The following NDST4 variants were observed in gnomAD, a reference collection of about 807,000 sequenced individuals.
NDST4 encodes N-deacetylase and N-sulfotransferase 4, also known as N-heparan sulfate sulfotransferase 4.
A neutral mutation model predicts 100.8 loss-of-function variants in NDST4; 63 were observed. The observed-to-expected ratio is 0.62, with a 90% confidence interval of 0.51 to 0.77. The LOEUF (loss-of-function observed/expected upper bound fraction) is 0.77, where lower values mean the gene tolerates loss of function less well. NDST4 is among the 30% of genes least tolerant of loss of function. NDST4 has a pLI of 0.00. For synonymous variants in NDST4, 377 were observed against 361.8 expected (o/e 1.04, Z -0.48); for missense variants, 943 against 1,018.4 (o/e 0.93, Z 1.01).
chr4:114,834,180 T>A (rs898751476), intron 11 of NDST4, among the ~76,000 whole-genome samples: 28 of 152,050 alleles, frequency 1.8e-4, no homozygotes, highest in African/African-American at 6.0e-4. Flanking sequence ...GCCTTACTGA[T>A]CATTGGATCA....
At chr4:115,109,993 T>C (rs1729912545) in intron 1 of NDST4, among the ~76,000 whole-genome samples, 2 of 151,954 alleles carry the variant, frequency 1.3e-5, no homozygotes, top group African/African-American at 4.8e-5. Context: ...TGCCTTGAAA[T>C]GCCTGAGGCT....
chr4:114,984,093 C>T (rs1158276345), intron 2 of NDST4, among the ~76,000 whole-genome samples: 1 of 152,106 alleles, frequency 6.6e-6, no homozygotes, highest in Non-Finnish European at 1.5e-5. Context: ...TTTCTTTCTA[C>T]ATTATTGAGT....
At chr4:115,051,174 C>A (rs518195) in intron 2 of NDST4, among the ~76,000 whole-genome samples, 28,088 of 151,872 alleles carry the variant, frequency 0.18, 3,163 homozygotes, top group East Asian at 0.45. Flanking sequence ...CTATGACCTG[C>A]CTTTATGATT....
intron 6 of NDST4, among the ~76,000 whole-genome samples, chr4:114,903,755 AG>A (rs1404765945): frequency 6.6e-6 from 1 of 152,060 alleles, no homozygotes; most frequent in Non-Finnish European, 1.5e-5. Context: ...TTTACAATAA[AG>A]AAAAATAAAG....
intron 1 of NDST4, among the ~76,000 whole-genome samples, chr4:115,103,691 C>A (rs1437123088): frequency 2.0e-5 from 3 of 152,114 alleles, no homozygotes; most frequent in African/African-American, 7.2e-5. Flanking sequence ...TAATTTCCTT[C>A]TATTTTATGT....
chr4:114,924,456 GAA>G (rs796235650), intron 6 of NDST4, among the ~76,000 whole-genome samples: 4 of 142,922 alleles, frequency 2.8e-5, no homozygotes, highest in South Asian at 2.2e-4. Flanking sequence ...GAAGATAAAG[GAA>G]AAAAAAAAAG....
intron 3 of NDST4, among the ~76,000 whole-genome samples, chr4:114,973,184 T>G (rs889371325): frequency 6.6e-6 from 1 of 152,052 alleles, no homozygotes; most frequent in Admixed American, 6.6e-5. Context: ...CTGTAAACAT[T>G]TATTTTTCTG....
At chr4:115,099,471 A>T (rs1484405969) in intron 1 of NDST4, among the ~76,000 whole-genome samples, 1 of 152,174 alleles carries the variant, frequency 6.6e-6, no homozygotes, top group Non-Finnish European at 1.5e-5. Context: ...TCCATAGTAG[A>T]AAAACAACCC....
At chr4:115,062,009 A>G (rs538435610) in intron 2 of NDST4, among the ~76,000 whole-genome samples, 33 of 152,228 alleles carry the variant, frequency 2.2e-4, no homozygotes, top group East Asian at 2.1e-3. Context: ...GAACGCACAA[A>G]GGAAAAAGCA....
intron 4 of NDST4, among the ~76,000 whole-genome samples, chr4:114,964,786 C>T (rs1345837184): frequency 6.6e-6 from 1 of 152,246 alleles, no homozygotes; most frequent in African/African-American, 2.4e-5. Context: ...TAAAAACCAC[C>T]ATTCCACTCT....
intron 1 of NDST4, among the ~76,000 whole-genome samples, chr4:115,098,889 T>C (rs1729674521): frequency 6.6e-6 from 1 of 152,098 alleles, no homozygotes; most frequent in African/African-American, 2.4e-5. Flanking sequence ...ACATATTTTG[T>C]AGAGACAGTG....
intron 1 of NDST4, among the ~76,000 whole-genome samples, chr4:115,090,224 C>T (rs898662624): frequency 6.6e-6 from 1 of 151,796 alleles, no homozygotes; most frequent in African/African-American, 2.4e-5. Context: ...AGGCACAAAA[C>T]ACAGCTATAA....
chr4:115,016,921 A>G (rs1289265097), intron 2 of NDST4, among the ~76,000 whole-genome samples: 3 of 152,024 alleles, frequency 2.0e-5, no homozygotes, highest in Non-Finnish European at 2.9e-5. Flanking sequence ...AGCTATGACC[A>G]TGTGACCAGT....
chr4:114,980,844 T>C (rs1338473812), intron 2 of NDST4, among the ~76,000 whole-genome samples: 1 of 152,058 alleles, frequency 6.6e-6, no homozygotes, highest in East Asian at 1.9e-4. Flanking sequence ...TTTATAAAAA[T>C]CAATAATTTA....
intron 12 of NDST4, among the ~76,000 whole-genome samples, chr4:114,831,138 C>T (rs1256430265): frequency 6.6e-6 from 1 of 150,844 alleles, no homozygotes; most frequent in Non-Finnish European, 1.5e-5. Flanking sequence ...CTGCAAGCTC[C>T]GCTTCCCGGG....
chr4:114,920,403 A>G (rs568360357), intron 6 of NDST4, among the ~76,000 whole-genome samples: 1 of 152,314 alleles, frequency 6.6e-6, no homozygotes, highest in South Asian at 2.1e-4. Flanking sequence ...TTCAAGTCAC[A>G]TCTTTTATTC....
chr4:115,019,588 T>C (rs894189685), intron 2 of NDST4, among the ~76,000 whole-genome samples: 5 of 152,136 alleles, frequency 3.3e-5, no homozygotes, highest in African/African-American at 4.8e-5. Context: ...ATGAAACTTA[T>C]GAAGTCGTCG....
chr4:114,923,622 T>C (rs1725330791), intron 6 of NDST4, among the ~76,000 whole-genome samples: 1 of 152,102 alleles, frequency 6.6e-6, no homozygotes, highest in Non-Finnish European at 1.5e-5. Context: ...GGGAGTGTTT[T>C]CTTTTCTTTT....
chr4:114,923,745 T>G (rs1339103925), intron 6 of NDST4, among the ~76,000 whole-genome samples: 1 of 152,002 alleles, frequency 6.6e-6, no homozygotes, highest in Non-Finnish European at 1.5e-5. Context: ...GAAAAAAGGT[T>G]TTATCTGCTG....
Sources: gnomAD v4.1 joint callset for allele counts (sites outside exome capture counted in the v4.1 genomes callset) on GRCh38, gnomAD v4.1.1 for gene constraint, MANE v1.5 for transcripts, NCBI Gene and HGNC (gene_info 2026-07-23, HGNC 2026-07-21) for gene names.